Variants in DHRSX observed in about 807,000 individuals in gnomAD.
The protein encoded by DHRSX is polyprenol dehydrogenase.
In DHRSX, 31 loss-of-function variants were observed where a neutral mutation model predicts 34.0. The observed-to-expected ratio is 0.91, with a 90% CI of 0.69 to 1.23. DHRSX has a LOEUF of 1.23. DHRSX is among the 50% of genes most tolerant of loss of function. DHRSX has a pLI of 0.00. For missense variants in DHRSX, 414 were observed against 428.1 expected, an observed-to-expected ratio of 0.97 and a Z score of 0.29; for synonymous variants, 201 against 183.8, an observed-to-expected ratio of 1.09 and a Z score of -0.76.
chrX:2,266,509 A>G (rs995017883), intron 5 of DHRSX, among the ~76,000 whole-genome samples: 2 of 149,794 alleles, frequency 1.3e-5, no homozygotes, highest in African/African-American at 2.5e-5. Context: ...CTGTCCCCAG[A>G]GCACCAGTGC....
chrX:2,473,349 C>A (rs5983025), intron 1 of DHRSX, among the ~76,000 whole-genome samples: 32,034 of 152,004 alleles, frequency 0.21, 3,717 homozygotes, highest in African/African-American at 0.27. Flanking sequence ...CGCCGCCAGG[C>A]GCGGGGGCTC....
intron 3 of DHRSX, among the ~76,000 whole-genome samples, chrX:2,317,256 C>T (rs868081621): frequency 2.1e-4 from 18 of 87,436 alleles, no homozygotes; most frequent in Admixed American, 3.6e-4. Flanking sequence ...CCGCGCCTGG[C>T]TTTTTTTTTT....
intron 3 of DHRSX, among the ~76,000 whole-genome samples, chrX:2,331,130 G>A (rs865811164): frequency 6.6e-6 from 1 of 152,070 alleles, no homozygotes; most frequent in Non-Finnish European, 1.5e-5. Context: ...CCCAAGAATA[G>A]TATCTATCTC....
intron 1 of DHRSX, chrX:2,490,384 G>A: frequency 1.2e-6 from 2 of 1,613,754 alleles, no homozygotes; most frequent in South Asian, 1.1e-5. Context: ...GGCCGGCCTT[G>A]ACGGCCAGCG....
intron 5 of DHRSX, among the ~76,000 whole-genome samples, chrX:2,254,013 A>C (rs2016503283): frequency 6.6e-6 from 1 of 151,892 alleles, no homozygotes; most frequent in African/African-American, 2.4e-5. Context: ...GTGAGCTGAG[A>C]TCACACCCTG....
chrX:2,384,778 G>T (rs1300605858), intron 3 of DHRSX, among the ~76,000 whole-genome samples: 1 of 131,424 alleles, frequency 7.6e-6, no homozygotes, highest in Non-Finnish European at 1.6e-5. Flanking sequence ...GGGGGGAGGG[G>T]GGGGATGGCA....
rs1476768847 is a variant in DHRSX, at chrX:2,229,446, G to C, written c.805-8217C>G. ...TCTGCCACGATGTCCCCTGCCTCTT[G>C]CCTCTCTGTACCTGCTGCTTGCTCC... On this transcript the variant is annotated intron_variant, in intron 6 of 6. Coordinates refer to ENST00000334651, the MANE Select transcript of DHRSX (RefSeq NM_145177.3). Among the ~76,000 whole-genome samples, 6 of 152,000 alleles carry C rather than the reference G, an allele frequency of 3.9e-5. No homozygotes were observed. The East Asian group carries it at 9.7e-4, about 25-fold the overall frequency.
intron 4 of DHRSX, among the ~76,000 whole-genome samples, chrX:2,268,242 A>G (rs2041501378): frequency 1.3e-5 from 2 of 152,196 alleles, no homozygotes; most frequent in Non-Finnish European, 2.9e-5. Flanking sequence ...CTCAAAGGTG[A>G]CTTGTCCTAG....
At chrX:2,291,288 AT>A (rs1374110075) in intron 4 of DHRSX, among the ~76,000 whole-genome samples, 3 of 152,220 alleles carry the variant, frequency 2.0e-5, no homozygotes, top group Non-Finnish European at 4.4e-5. Flanking sequence ...ACAACATGTT[AT>A]CGCGTTTACC....
At chrX:2,397,708 A>G (rs768639091) in intron 3 of DHRSX, among the ~76,000 whole-genome samples, 1 of 152,244 alleles carries the variant, frequency 6.6e-6, no homozygotes, top group Admixed American at 6.5e-5. Context: ...TTGTGCCTCT[A>G]AACCCACTCG....
At chrX:2,235,740 A>G (rs1388469524) in intron 6 of DHRSX, among the ~76,000 whole-genome samples, 32 of 5,590 alleles carry the variant, frequency 5.7e-3, no homozygotes, top group South Asian at 0.022. Flanking sequence ...ATCTCAGGGG[A>G]AAAAAAAAAA....
chrX:2,331,843 A>C (rs2042482461), intron 3 of DHRSX, among the ~76,000 whole-genome samples: 1 of 152,148 alleles, frequency 6.6e-6, no homozygotes, highest in African/African-American at 2.4e-5. Context: ...AGAAAGGGTC[A>C]ACTGATGTGA....
intron 3 of DHRSX, among the ~76,000 whole-genome samples, chrX:2,366,521 A>G (rs1233809211): frequency 2.0e-5 from 3 of 152,196 alleles, no homozygotes; most frequent in Non-Finnish European, 4.4e-5. Context: ...TCTAATATTT[A>G]AATGACCATC....
chrX:2,233,409 C>G (rs987971929), intron 6 of DHRSX, among the ~76,000 whole-genome samples: 9 of 151,136 alleles, frequency 6.0e-5, no homozygotes, highest in African/African-American at 1.9e-4. Context: ...TAGAGACTGG[C>G]AAGAGGACAG....
intron 3 of DHRSX, among the ~76,000 whole-genome samples, chrX:2,309,676 C>T (rs903987271): frequency 3.3e-5 from 5 of 152,004 alleles, no homozygotes; most frequent in African/African-American, 4.8e-5. Context: ...TTTGAGAGGC[C>T]GAGGTGGGAG....
At chrX:2,306,621 T>C (rs1239447895) in intron 3 of DHRSX, among the ~76,000 whole-genome samples, 1 of 152,004 alleles carries the variant, frequency 6.6e-6, no homozygotes, top group Non-Finnish European at 1.5e-5. Flanking sequence ...CCTGGCTAAT[T>C]TTTGTATTTG....
At chrX:2,488,572 A>G in intron 1 of DHRSX, 1 of 1,522,636 alleles carries the variant, frequency 6.6e-7, no homozygotes, top group Non-Finnish European at 8.8e-7. Context: ...CCGGGTAAGT[A>G]TTTACAGCAA....
intron 3 of DHRSX, among the ~76,000 whole-genome samples, chrX:2,302,263 T>C (rs2042021040): frequency 6.6e-6 from 1 of 152,046 alleles, no homozygotes; most frequent in South Asian, 2.1e-4. Context: ...CTGTACCAAG[T>C]CACCAGGCCA....
chrX:2,347,427 C>T (rs2042734374), intron 3 of DHRSX, among the ~76,000 whole-genome samples: 1 of 152,228 alleles, frequency 6.6e-6, no homozygotes, highest in Admixed American at 6.5e-5. Flanking sequence ...GGCGCGGTGG[C>T]TCACGCCTGT....
Sources: allele counts gnomAD v4.1 joint callset (sites outside exome capture counted in the v4.1 genomes callset), GRCh38; gene constraint gnomAD v4.1.1; transcripts MANE v1.5; gene names NCBI Gene and HGNC (gene_info 2026-07-23, HGNC 2026-07-21).